Variants in CATSPERE observed in about 807,000 individuals in gnomAD.
CATSPERE encodes the protein cation channel sperm-associated auxiliary subunit epsilon.
CATSPERE carries 93 observed loss-of-function variants against 114.1 expected under a neutral mutation model. The ratio of observed to expected loss-of-function variants is 0.81; its 90% CI spans 0.69 to 0.97. The LOEUF (loss-of-function observed/expected upper bound fraction) is 0.97. CATSPERE is among the 50% of genes least tolerant of loss of function. The probability of loss-of-function intolerance (pLI) is 0.00; values close to 1 mark genes in which losing one functional copy is unlikely to be tolerated. For synonymous variants in CATSPERE, 341 were observed against 384.1 expected (o/e 0.89, Z 1.31); for missense variants, 1,058 against 1,131.6 (o/e 0.93, Z 0.93).
intron 2 of CATSPERE, among the ~76,000 whole-genome samples, chr1:244,471,034 C>T (rs1260166168): frequency 2.6e-5 from 4 of 152,080 alleles, no homozygotes; most frequent in East Asian, 1.9e-4. Flanking sequence ...TGGTAACCTC[C>T]GAGGAGTGTG....
At chr1:244,557,580 TATAAA>T in intron 9 of CATSPERE, among the ~76,000 whole-genome samples, 1 of 105,458 alleles carries the variant, frequency 9.5e-6, no homozygotes, top group South Asian at 3.0e-4. Context: ...TATATATATA[TATAAA>T]ATCTCCCAGG....
chr1:244,575,373 G>A lies in CATSPERE; in HGVS notation c.1950+2601G>A, dbSNP rs534174354. ...CACGCAGAGCCAGGCTAGGGAGAGG[G>A]ACCTACCTCTTGGCTGCCGGGCTGC... On this transcript the variant is annotated intron_variant, in intron 11 of 21. Coordinates refer to ENST00000366534, the MANE Select transcript of CATSPERE (RefSeq NM_001130957.2). The surrounding 1 kb of genome is among the most constrained non-coding windows in gnomAD (Gnocchi z 4.5). Among the ~76,000 whole-genome samples the A allele has an allele frequency of 3.4e-4, 52 of 152,306 alleles. No homozygotes were observed. Among genetic ancestry groups the A allele is most frequent in the Non-Finnish European group, 3.7e-4 (25 of 68,024 alleles).
At chr1:244,482,958 G>T (rs1373361906) in intron 5 of CATSPERE, among the ~76,000 whole-genome samples, 1 of 152,150 alleles carries the variant, frequency 6.6e-6, no homozygotes, top group Non-Finnish European at 1.5e-5. Flanking sequence ...ATTCTTCCAT[G>T]AGTTGCTTCT....
Position 244,554,459 on chromosome 1 carries a change from G to A in CATSPERE, c.1029+1645G>A, listed in dbSNP as rs776760248. ...GTGGGATGATTACTTGAGCCTAGGC[G>A]TTAGAGACCAGCCTGGGCAACATGG... On this transcript the variant is annotated intron_variant, in intron 9 of 21. Coordinates refer to ENST00000366534, the MANE Select transcript of CATSPERE (RefSeq NM_001130957.2). Among the ~76,000 whole-genome samples the A allele has an allele frequency of 5.3e-4, 81 of 152,234 alleles. No individual in the cohort carries two copies. In the Middle Eastern group the frequency reaches 0.01, roughly 19 times the overall value.
chr1:244,524,757 A>G (rs1395662994), intron 8 of CATSPERE, among the ~76,000 whole-genome samples: 1 of 148,572 alleles, frequency 6.7e-6, no homozygotes, highest in Non-Finnish European at 1.5e-5. Context: ...ATCACTGGCC[A>G]TCAGAGAAAT....
intron 9 of CATSPERE, among the ~76,000 whole-genome samples, chr1:244,559,553 A>C (rs1348398405): frequency 1.3e-5 from 2 of 152,230 alleles, no homozygotes; most frequent in Admixed American, 6.5e-5. Context: ...CCTTGATGAA[A>C]TTAGGCCCAC....
upstream of CATSPERE, chr1:244,454,236 A>G (rs889158527): frequency 2.0e-5 from 3 of 152,156 alleles, no homozygotes; most frequent in Non-Finnish European, 1.5e-5. Context: ...CAGAGACCCC[A>G]TTGTGAATTA....
intron 15 of CATSPERE, among the ~76,000 whole-genome samples, chr1:244,592,288 A>C (rs1320038998): frequency 2.0e-5 from 3 of 152,160 alleles, no homozygotes; most frequent in Non-Finnish European, 2.9e-5. Context: ...CTGACATCAA[A>C]TATTCTACTA....
At chr1:244,482,745 T>C (rs912412903) in intron 5 of CATSPERE, among the ~76,000 whole-genome samples, 7 of 152,246 alleles carry the variant, frequency 4.6e-5, no homozygotes, top group Non-Finnish European at 1.0e-4. Flanking sequence ...CTTTATGCGC[T>C]ACCAATCACA....
intron 11 of CATSPERE, among the ~76,000 whole-genome samples, chr1:244,580,218 T>TG (rs1019321423): frequency 6.7e-5 from 10 of 150,330 alleles, no homozygotes; most frequent in Non-Finnish European, 1.2e-4. Context: ...TGTATTTTTT[T>TG]TTTTTTTTTT....
In CATSPERE at chr1:244,638,932, C is replaced by T. The variant is rs1361904678; in HGVS notation, c.2703-996C>T. On this transcript the variant is annotated intron_variant, in intron 21 of 21. Coordinates refer to ENST00000366534, the MANE Select transcript of CATSPERE (RefSeq NM_001130957.2). ...AAATACTTCATAACTGCCTTTTCTA[C>T]CTTCACACTCATGCTTTGCTTTCAT... Among the ~76,000 whole-genome samples, 3 of 152,182 alleles carry T rather than the reference C, an allele frequency of 2.0e-5. No individual in the cohort carries two copies. In the South Asian group the frequency reaches 6.2e-4, roughly 32 times the overall value.
intron 19 of CATSPERE, among the ~76,000 whole-genome samples, chr1:244,615,666 C>T (rs12138786): frequency 0.2 from 30,757 of 151,864 alleles, 3,283 homozygotes; most frequent in Non-Finnish European, 0.22. Flanking sequence ...CTGTCAGTGA[C>T]CAAAACATTG....
chr1:244,558,735 C>T (rs959958176), intron 9 of CATSPERE, among the ~76,000 whole-genome samples: 1 of 152,108 alleles, frequency 6.6e-6, no homozygotes, highest in African/African-American at 2.4e-5. Context: ...TCTCTTCCTC[C>T]CCTTCTCCTC....
intron 1 of CATSPERE, among the ~76,000 whole-genome samples, chr1:244,455,978 T>C (rs769362992): frequency 2.0e-5 from 3 of 152,164 alleles, no homozygotes; most frequent in Non-Finnish European, 2.9e-5. Flanking sequence ...GTAGGAAATA[T>C]ACTTTAGGAG....
intron 21 of CATSPERE, among the ~76,000 whole-genome samples, chr1:244,636,262 G>A (rs949152828): frequency 2.0e-5 from 3 of 152,122 alleles, no homozygotes; most frequent in Admixed American, 6.5e-5. Context: ...TTTGGGCCTG[G>A]TGTTTGGAAT....
intron 10 of CATSPERE, among the ~76,000 whole-genome samples, chr1:244,562,937 A>T (rs1662807624): frequency 6.6e-6 from 1 of 151,756 alleles, no homozygotes; most frequent in Non-Finnish European, 1.5e-5. Flanking sequence ...CCCTGTGTTG[A>T]TGTGTTCTCA....
At position 244,461,332 on chromosome 1, in the gene CATSPERE, A is replaced by T; in HGVS notation, c.-98A>T. 9.3e-7 allele frequency: 1 copy of T among 1,076,984 alleles called. No individual in the cohort carries two copies. Among genetic ancestry groups the T allele is most frequent in the African/African-American group, 1.6e-5 (1 of 60,834 alleles). The allele number at this position is 1,076,984 out of a possible 1,614,324, so 66.7% of individuals were successfully genotyped here. A position where few individuals can be genotyped will look rare whatever the true frequency, so the allele number is the denominator to read the frequency against. On this transcript the variant is annotated 5_prime_UTR_variant, in exon 1 of 22. Transcript: ENST00000366534. ...GCCCTGTCCAGAGGCGCCGGGACCC[A>T]GGCGCCTGCAGCCGCCCGCCGGGCC...
chr1:244,455,614 C>CTTGTTTTTCTGGAAAAAGA (rs996386984), intron 1 of CATSPERE, among the ~76,000 whole-genome samples: 12 of 150,820 alleles, frequency 8.0e-5, no homozygotes, highest in Admixed American at 7.3e-4. Flanking sequence ...CTTCTTGGAT[C>CTTGTTTTTCTGGAAAAAGA]TTGTTTTTCT....
At chr1:244,526,520 AT>A (rs1020600354) in intron 8 of CATSPERE, among the ~76,000 whole-genome samples, 9 of 152,242 alleles carry the variant, frequency 5.9e-5, no homozygotes, top group African/African-American at 1.7e-4. Context: ...TAGAAAAAAA[AT>A]ATCTGGCTTT....
Sources: allele counts gnomAD v4.1 joint callset (sites outside exome capture counted in the v4.1 genomes callset), GRCh38; gene constraint gnomAD v4.1.1; non-coding constraint Gnocchi (gnomAD v3.1); transcripts MANE v1.5; gene names NCBI Gene and HGNC (gene_info 2026-07-23, HGNC 2026-07-21).